Variants in NCKAP5 observed in about 807,000 individuals in gnomAD.
NCKAP5 encodes the protein nck-associated protein 5.
Under a neutral mutation model 167.0 loss-of-function variants are expected in NCKAP5, and 92 were observed. The observed-to-expected ratio is 0.55, with a 90% CI of 0.47 to 0.66. NCKAP5 has a LOEUF of 0.66. Among genes scored for constraint, NCKAP5 ranks in the 30% least tolerant of loss-of-function variants. The pLI is 0.00. For synonymous variants in NCKAP5, 891 were observed against 877.4 expected (o/e 1.02, Z -0.27); for missense variants, 2,378 against 2,315.0 (o/e 1.03, Z -0.56).
chr2:132,959,557 G>A (rs1039121302), intron 8 of NCKAP5, among the ~76,000 whole-genome samples: 1 of 152,146 alleles, frequency 6.6e-6, no homozygotes, highest in African/African-American at 2.4e-5. Flanking sequence ...GGGCCACGTG[G>A]GAGTGTCAGG....
At chr2:132,806,256 G>A (rs1008211707) in intron 11 of NCKAP5, among the ~76,000 whole-genome samples, 5 of 152,196 alleles carry the variant, frequency 3.3e-5, no homozygotes, top group Admixed American at 6.5e-5. Flanking sequence ...TATCTTTTTC[G>A]AATAATGATT....
intron 3 of NCKAP5, among the ~76,000 whole-genome samples, chr2:133,316,341 C>A (rs747879732): frequency 6.6e-6 from 1 of 152,134 alleles, no homozygotes; most frequent in Non-Finnish European, 1.5e-5. Context: ...AGAAACAGAG[C>A]AGATGGTGCT....
intron 3 of NCKAP5, among the ~76,000 whole-genome samples, chr2:133,475,275 T>C (rs968425636): frequency 1.2e-4 from 19 of 152,158 alleles, no homozygotes; most frequent in African/African-American, 4.6e-4. Context: ...CAAGACCAAG[T>C]CCAATAACTG....
intron 11 of NCKAP5, among the ~76,000 whole-genome samples, chr2:132,813,860 A>C (rs1261756482): frequency 6.6e-6 from 1 of 152,234 alleles, no homozygotes; most frequent in African/African-American, 2.4e-5. Context: ...AATGAAATTC[A>C]GAGTTTGAGA....
At chr2:133,654,693 C>T in the NCKAP5 span, among the ~76,000 whole-genome samples, 13,214 of 152,252 alleles carry the variant, frequency 0.087, 674 homozygotes, top group African/African-American at 0.12. Flanking sequence ...CAATACCAGC[C>T]ACGTGGTTGG....
intron 3 of NCKAP5, among the ~76,000 whole-genome samples, chr2:133,386,163 C>T (rs1248303476): frequency 2.0e-5 from 3 of 152,100 alleles, no homozygotes; most frequent in African/African-American, 7.2e-5. Flanking sequence ...TAGATCTTTC[C>T]GGCTTTCTCT....
At chr2:132,675,516 C>A (rs1684322166) in intron 19 of NCKAP5, among the ~76,000 whole-genome samples, 2 of 152,084 alleles carry the variant, frequency 1.3e-5, no homozygotes, top group South Asian at 4.2e-4. Flanking sequence ...AATGCAAGTT[C>A]TTGGATCCCA....
At chr2:133,319,755 T>C (rs536937423) in intron 3 of NCKAP5, among the ~76,000 whole-genome samples, 2 of 152,328 alleles carry the variant, frequency 1.3e-5, no homozygotes, top group Admixed American at 6.5e-5. Flanking sequence ...TTTACTATGA[T>C]GAGGTTGTTA....
rs147374335 is a variant in NCKAP5 at position 133,309,155 on chromosome 2, T to C, written c.70-6045A>G. Among the ~76,000 whole-genome samples the C allele has an allele frequency of 3.6e-3, 555 of 152,322 alleles. 3 individuals carry two copies. The highest frequency in any genetic ancestry group is 0.013 in the African/African-American group (527 of 41,576). On this transcript the variant is annotated intron_variant, in intron 3 of 19. Coordinates refer to ENST00000409261, the MANE Select transcript of NCKAP5 (RefSeq NM_207363.3). ...ATATGAAAGATTAAAAGTAATATCC[T>C]ACAGTAAATGGTAATATTATGGGCT...
chr2:133,051,058 A>G (rs960911059), intron 6 of NCKAP5, among the ~76,000 whole-genome samples: 1 of 151,978 alleles, frequency 6.6e-6, no homozygotes, highest in Non-Finnish European at 1.5e-5. Context: ...AGATTAATGG[A>G]TTTTTTTTCT....
At chr2:133,542,197 G>A (rs1309634123) in intron 2 of NCKAP5, among the ~76,000 whole-genome samples, 2 of 152,104 alleles carry the variant, frequency 1.3e-5, no homozygotes, top group Non-Finnish European at 2.9e-5. Flanking sequence ...CGAACATGAC[G>A]AATGTCTATG....
At chr2:133,010,370 A>G (rs1391039724) in intron 6 of NCKAP5, among the ~76,000 whole-genome samples, 2 of 152,166 alleles carry the variant, frequency 1.3e-5, no homozygotes, top group African/African-American at 4.8e-5. Context: ...CAGCCCACCT[A>G]CTTAAGGTTC....
chr2:133,456,823 A>C (rs1444301833), intron 3 of NCKAP5, among the ~76,000 whole-genome samples: 1 of 152,192 alleles, frequency 6.6e-6, no homozygotes, highest in Non-Finnish European at 1.5e-5. Context: ...AAGGAAAGTA[A>C]ACTTTACCAG....
chr2:133,406,718 A>G (rs1574897398), intron 3 of NCKAP5, among the ~76,000 whole-genome samples: 2 of 152,340 alleles, frequency 1.3e-5, no homozygotes, highest in East Asian at 1.9e-4. Flanking sequence ...GAATGCAGGT[A>G]TAGCTTTCTG....
At chr2:133,431,239 T>C (rs932374293) in intron 3 of NCKAP5, among the ~76,000 whole-genome samples, 4 of 152,158 alleles carry the variant, frequency 2.6e-5, no homozygotes, top group African/African-American at 7.2e-5. Flanking sequence ...TGAAAGCAAA[T>C]ACCCACAGAA....
At chr2:133,469,296 C>A (rs577012764) in intron 3 of NCKAP5, among the ~76,000 whole-genome samples, 1 of 151,952 alleles carries the variant, frequency 6.6e-6, no homozygotes, top group East Asian at 1.9e-4. Flanking sequence ...ATATGAAATT[C>A]TGGGTTGAAA....
intron 11 of NCKAP5, 27 bp from the exon 12 acceptor site, chr2:132,796,756 AAT>A: frequency 7.0e-7 from 1 of 1,419,500 alleles, no homozygotes; most frequent in Non-Finnish European, 9.9e-7. Flanking sequence ...AGAAACATTG[AAT>A]AGCGATAATT....
Position 132,810,741 on chromosome 2 carries a change from G to A in NCKAP5, c.808-14012C>T, listed in dbSNP as rs149882397. ...CTCTGATCCCTCCCTGATTAGCTTG[G>A]TAACTAACCTCCTAAATTCTTTTTC... On this transcript the variant is annotated intron_variant, in intron 11 of 19. Coordinates refer to ENST00000409261, the MANE Select transcript of NCKAP5 (RefSeq NM_207363.3). Among the ~76,000 whole-genome samples the A allele has an allele frequency of 1.4e-3, 215 of 152,228 alleles. 1 individual carries two copies. The highest frequency in any genetic ancestry group is 4.9e-3 in the African/African-American group (204 of 41,550).
intron 6 of NCKAP5, among the ~76,000 whole-genome samples, chr2:133,026,195 G>T (rs538240005): frequency 4.0e-5 from 6 of 151,778 alleles, no homozygotes; most frequent in South Asian, 2.1e-4. Context: ...ATGGTTTGTG[G>T]TTTTTTTCTT....
Sources: allele counts gnomAD v4.1 joint callset (sites outside exome capture counted in the v4.1 genomes callset), GRCh38; gene constraint gnomAD v4.1.1; transcripts MANE v1.5; gene names NCBI Gene and HGNC (gene_info 2026-07-23, HGNC 2026-07-21).